The following PLSCR2 variants were observed in gnomAD, a reference collection of about 807,000 sequenced individuals.
PLSCR2 encodes phospholipid scramblase 2, also known as PL scramblase 2.
A neutral mutation model predicts 25.3 loss-of-function variants in PLSCR2; 18 were observed. That is an observed-to-expected ratio of 0.71 (90% CI 0.49 to 1.06). The LOEUF is 1.06. Among genes scored for constraint, PLSCR2 ranks in the 50% least tolerant of loss-of-function variants. The pLI, the probability that PLSCR2 is intolerant of heterozygous loss-of-function variation, is 0.00. For missense variants in PLSCR2, 243 were observed against 269.5 expected (o/e 0.90, Z 0.69); for synonymous variants, 88 against 87.3 (o/e 1.01, Z -0.04).
intron 2 of PLSCR2, among the ~76,000 whole-genome samples, chr3:146,407,335 T>C (rs977496271): frequency 2.6e-5 from 4 of 152,196 alleles, no homozygotes; most frequent in Admixed American, 2.0e-4. Context: ...ACTTAACTGC[T>C]GTGCTGGAAG....
rs1576712271 is a variant in PLSCR2 at position 146,471,951 on chromosome 3, T to C, written c.-292-11667A>G. Among the ~76,000 whole-genome samples, 3 of 152,360 alleles carry C rather than the reference T, an allele frequency of 2.0e-5. No individual in the cohort carries two copies. The East Asian group carries it at 5.8e-4, about 29-fold the overall frequency. ...ACACAGAAATTTTTATTTTCAGTGA[T>C]TTTTACTTTTATTTTTTCATTTTGA... On this transcript the variant is annotated intron_variant, in intron 1 of 8. Coordinates refer to the PLSCR2 transcript ENST00000336685.
At chr3:146,455,184 G>T in intron 4 of PLSCR2, 55 bp downstream of exon 4, 2 of 1,116,910 alleles carry the variant, frequency 1.8e-6, no homozygotes, top group Non-Finnish European at 2.7e-6. Context: ...TCAATAAAAG[G>T]GTGGAAATCC....
In PLSCR2 at chr3:146,441,824, G is replaced by T. The variant is rs769980544; in HGVS notation, c.646-3C>A. On this transcript the variant is annotated splice_polypyrimidine_tract_variant and splice_region_variant and intron_variant, in intron 6 of 6. Coordinates refer to ENST00000610787, the Ensembl canonical transcript of PLSCR2. ...GTTCTTTCAAAAAACATGTAGTCCT[G>T]GATAAAAACAAAAATACAGAAATGA... The T allele has an allele frequency of 4.5e-6, 7 of 1,571,486 alleles. No homozygotes were observed. Among genetic ancestry groups the T allele is most frequent in the Non-Finnish European group, 6.1e-6 (7 of 1,149,206 alleles).
Position 146,398,921 on chromosome 3 carries a change from G to A in PLSCR2, c.101-3000C>T, listed in dbSNP as rs2038368984. The A allele has an allele frequency of 3.9e-5, 6 of 152,104 alleles. No individual in the cohort carries two copies. The South Asian group carries it at 1.2e-3, about 32-fold the overall frequency. The allele number at this position is 152,104 out of a possible 1,614,324, so 9.4% of individuals were successfully genotyped here. ...GTACTACCTCTTAAATGAGCTTTTT[G>A]TATATTTTGACAGAACTTTCTGTAT... On this transcript the variant is annotated intron_variant and NMD_transcript_variant, in intron 2 of 3. Coordinates refer to the PLSCR2 transcript ENST00000463633.
chr3:146,411,241 C>A (rs779373118), intron 2 of PLSCR2, among the ~76,000 whole-genome samples: 7 of 152,112 alleles, frequency 4.6e-5, no homozygotes, highest in Non-Finnish European at 1.0e-4. Flanking sequence ...CCTGTCAGGA[C>A]CACTTCCCAC....
At chr3:146,432,155 A>G (rs561995878), downstream of PLSCR2, among the ~76,000 whole-genome samples, 6 of 152,308 alleles carry the variant, frequency 3.9e-5, no homozygotes, top group African/African-American at 1.2e-4. Flanking sequence ...TTTACTTATA[A>G]GAATATCTGT....
intron 2 of PLSCR2, among the ~76,000 whole-genome samples, chr3:146,412,339 C>T (rs1002617489): frequency 2.6e-5 from 4 of 152,148 alleles, no homozygotes; most frequent in African/African-American, 9.7e-5. Flanking sequence ...TGACAAGTCT[C>T]TCCCTGGGCC....
intron 2 of PLSCR2, among the ~76,000 whole-genome samples, chr3:146,427,360 G>A (rs2039392242): frequency 6.6e-6 from 1 of 152,196 alleles, no homozygotes; most frequent in Non-Finnish European, 1.5e-5. Flanking sequence ...GACTGAAAGA[G>A]AGCTACATGG....
exon 1 of PLSCR2, chr3:146,460,350 T>C: frequency 2.6e-6 from 1 of 382,316 alleles, no homozygotes; most frequent in African/African-American, 2.1e-5. Flanking sequence ...AATATGCTTT[T>C]ATACCTGTGA....
At chr3:146,438,251 T>A (rs2040007205), downstream of PLSCR2, among the ~76,000 whole-genome samples, 1 of 152,208 alleles carries the variant, frequency 6.6e-6, no homozygotes, top group Non-Finnish European at 1.5e-5. Flanking sequence ...GTATATTCTG[T>A]TGATCTGGGG....
chr3:146,460,056 T>C (rs1231597333), exon 2 of PLSCR2: 2 of 1,571,118 alleles, frequency 1.3e-6, no homozygotes, highest in South Asian at 1.1e-5. Context: ...AGCCTGGTGC[T>C]TAGGGTAGAC....
chr3:146,470,629 G>A (rs1424972097), intron 1 of PLSCR2, among the ~76,000 whole-genome samples: 1 of 152,026 alleles, frequency 6.6e-6, no homozygotes, highest in South Asian at 2.1e-4. Context: ...CTCCATTCCC[G>A]GTGCTGTTCT....
At chr3:146,437,075 G>A (rs568265465), downstream of PLSCR2, among the ~76,000 whole-genome samples, 8 of 151,982 alleles carry the variant, frequency 5.3e-5, no homozygotes, top group East Asian at 3.9e-4. Flanking sequence ...GATGGATTAC[G>A]TTTATTGATT....
intron 2 of PLSCR2, among the ~76,000 whole-genome samples, chr3:146,421,136 T>G (rs2039135473): frequency 6.6e-6 from 1 of 152,022 alleles, no homozygotes; most frequent in African/African-American, 2.4e-5. Context: ...TACATATATA[T>G]TTTACAGAAA....
At position 146,400,937 on chromosome 3, in the gene PLSCR2, T is replaced by C. The variant is rs1015233791; in HGVS notation, c.101-5016A>G. ...GAATAGTCTTTTACAAATCATGGTG[T>C]TTAAACAACTAAATATTAAAGTGGG... On this transcript the variant is annotated intron_variant and NMD_transcript_variant, in intron 2 of 3. Transcript: ENST00000463633. Among the ~76,000 whole-genome samples, 47 of 151,976 alleles carry C rather than the reference T, an allele frequency of 3.1e-4. 2 individuals are homozygous for C. Among genetic ancestry groups the C allele is most frequent in the Non-Finnish European group, 1.2e-4 (8 of 67,884 alleles).
chr3:146,449,594 T>A (rs548479118), intron 5 of PLSCR2, among the ~76,000 whole-genome samples: 130 of 152,056 alleles, frequency 8.5e-4, no homozygotes, highest in Non-Finnish European at 1.6e-3. Flanking sequence ...TTTTACGAAA[T>A]TTTTAACATT....
At chr3:146,404,599 C>A (rs2038587463) in intron 2 of PLSCR2, among the ~76,000 whole-genome samples, 3 of 152,186 alleles carry the variant, frequency 2.0e-5, no homozygotes, top group Admixed American at 1.3e-4. Context: ...AAAATACATT[C>A]ATTCCACCCA....
At chr3:146,469,418 T>C (rs1348219782) in intron 1 of PLSCR2, 77 bp downstream of exon 1, 5 of 910,368 alleles carry the variant, frequency 5.5e-6, no homozygotes, top group Non-Finnish European at 6.6e-6. Context: ...AACACAATTA[T>C]GGGGCGGAGC....
intron 2 of PLSCR2, among the ~76,000 whole-genome samples, chr3:146,408,517 G>GT (rs980277176): frequency 9.1e-4 from 138 of 151,586 alleles, no homozygotes; most frequent in African/African-American, 2.9e-3. Flanking sequence ...GCTTGTTTCT[G>GT]TTTTTTTTAA....
Sources: gnomAD v4.1 joint callset for allele counts (sites outside exome capture counted in the v4.1 genomes callset) on GRCh38, gnomAD v4.1.1 for gene constraint, MANE v1.5 for transcripts, NCBI Gene and HGNC (gene_info 2026-07-23, HGNC 2026-07-21) for gene names.